The following TBC1D16 variants were observed in gnomAD, a reference collection of about 807,000 sequenced individuals.
TBC1D16 encodes CTD-2529O21.1.
TBC1D16 carries 58 observed loss-of-function variants against 74.7 expected under a neutral mutation model. The ratio of observed to expected loss-of-function variants is 0.78; its 90% CI spans 0.63 to 0.97. The LOEUF (loss-of-function observed/expected upper bound fraction) is 0.97, where lower values mean the gene tolerates loss of function less well. Among genes scored for constraint, TBC1D16 ranks in the 50% least tolerant of loss-of-function variants. TBC1D16 has a pLI of 0.00. For synonymous variants in TBC1D16, 493 were observed against 474.7 expected (o/e 1.04, Z -0.50); for missense variants, 1,014 against 1,079.5 (o/e 0.94, Z 0.85).
At position 79,987,070 on chromosome 17, in the gene TBC1D16, G is replaced by A. The variant is rs561873480; in HGVS notation, c.779+23090C>T. Among the ~76,000 whole-genome samples the A allele has an allele frequency of 8.1e-4, 123 of 152,332 alleles. No homozygotes were observed. Among genetic ancestry groups the A allele is most frequent in the African/African-American group, 2.8e-3 (118 of 41,572 alleles). ...CCAGAAGAGATCAGGGCCAGGATGG[G>A]TCACGGGCTGTGCCCAGTGTCGCTG... is the stretch of plus-strand genomic sequence containing the variant. On this transcript the variant is annotated intron_variant, in intron 3 of 11. Coordinates refer to ENST00000310924, the MANE Select transcript of TBC1D16 (RefSeq NM_019020.4). This position sits in a 1 kb window ranked among gnomAD's most constrained non-coding sequence, Gnocchi z 5.2.
rs1318223176 is a variant in TBC1D16 at position 79,985,322 on chromosome 17, G to A, written c.779+24838C>T. ...CTGGATCCTTCCCTTGATCCCATCA[G>A]CAAAGACCCTATTTCCAAATAAAGT... On this transcript the variant is annotated intron_variant, in intron 3 of 11. Coordinates refer to ENST00000310924, the MANE Select transcript of TBC1D16 (RefSeq NM_019020.4). This position sits in a 1 kb window ranked among gnomAD's most constrained non-coding sequence, Gnocchi z 4.9. Among the ~76,000 whole-genome samples the A allele has an allele frequency of 6.6e-6, 1 of 152,206 alleles. No individual in the cohort carries two copies. Among genetic ancestry groups the A allele is most frequent in the African/African-American group, 2.4e-5 (1 of 41,466 alleles).
chr17:79,969,497 G>C (rs190474687), intron 3 of TBC1D16, among the ~76,000 whole-genome samples: 1 of 152,196 alleles, frequency 6.6e-6, no homozygotes, highest in East Asian at 1.9e-4. Context: ...TTGGTGAGGA[G>C]GTCCTAGAGA....
In TBC1D16 at chr17:79,938,687, G is replaced by A. The variant is rs553743714; in HGVS notation, c.*2172C>T. ...CCAAATTCTCAGCCTACTGCCACCC[G>A]ACTGTGCAGAGCGGACAATAAAGTG... On this transcript the variant is annotated 3_prime_UTR_variant, in exon 12 of 12. Coordinates refer to ENST00000310924, the MANE Select transcript of TBC1D16 (RefSeq NM_019020.4). The A allele has an allele frequency of 4.1e-4, 62 of 152,422 alleles. 1 individual carries two copies. The South Asian group carries it at 0.011, about 27-fold the overall frequency. 9.4% of individuals were successfully genotyped at this position (152,422 alleles called of 1,614,324 possible).
rs933416174 is a variant in TBC1D16 at position 79,935,130 on chromosome 17, G to A, written c.*5729C>T. ...CAAATGCAGGACTGAGGCTTTTCCTGAAACCAGAGCCCCGGCAGCCAAGGC... is the reference window on the plus strand; with the variant it reads ...CAAATGCAGGACTGAGGCTTTTCCTAAAACCAGAGCCCCGGCAGCCAAGGC... On this transcript the variant is annotated 3_prime_UTR_variant, in exon 12 of 12. Transcript: ENST00000310924. 6.6e-6 allele frequency: 1 copy of A among 152,274 alleles called. No individual in the cohort carries two copies. The highest frequency in any genetic ancestry group is 2.4e-5 in the African/African-American group (1 of 41,466). The allele number at this position is 152,274 out of a possible 1,614,324, so 9.4% of individuals were successfully genotyped here.
At chr17:79,942,623 G>A (rs552563518) in intron 10 of TBC1D16, among the ~76,000 whole-genome samples, 24 of 152,278 alleles carry the variant, frequency 1.6e-4, no homozygotes, top group Non-Finnish European at 3.1e-4. Flanking sequence ...CGGTGTGTGC[G>A]GAAGTCTGGG....
At position 79,936,334 on chromosome 17, in the gene TBC1D16, C is replaced by T. The variant is rs1017598600; in HGVS notation, c.*4525G>A. 3 of 152,268 alleles carry T rather than the reference C, an allele frequency of 2.0e-5. No individual in the cohort carries two copies. The highest frequency in any genetic ancestry group is 4.8e-5 in the African/African-American group (2 of 41,454). 9.4% of individuals were successfully genotyped at this position (152,268 alleles called of 1,614,324 possible). On this transcript the variant is annotated 3_prime_UTR_variant, in exon 12 of 12. Transcript: ENST00000310924. Reference sequence around the variant, plus strand: ...CCAAGGGAGAGCTCTCCGTCCTGAGCTCGCTGCCCCTCACGATGCACACGG... The same window carrying T: ...CCAAGGGAGAGCTCTCCGTCCTGAGTTCGCTGCCCCTCACGATGCACACGG...
At chr17:80,004,403 C>T (rs1415290367) in intron 3 of TBC1D16, among the ~76,000 whole-genome samples, 1 of 152,238 alleles carries the variant, frequency 6.6e-6, no homozygotes, top group Non-Finnish European at 1.5e-5. Context: ...ACCACATCTT[C>T]TCCTATCTGG....
At position 80,035,339 on chromosome 17, in the gene TBC1D16, A is replaced by T. The variant is rs1301722858; in HGVS notation, c.-63+456T>A. On this transcript the variant is annotated intron_variant, in intron 1 of 11. Transcript: ENST00000310924. This position sits in a 1 kb window ranked among gnomAD's most constrained non-coding sequence, Gnocchi z 5.3. ...AACAGCCCAGACCACCAAGCCCGAC[A>T]GGCCGGGAAAGCTGAGCGCGCGCTG... Among the ~76,000 whole-genome samples the T allele has an allele frequency of 6.6e-6, 1 of 151,436 alleles. No homozygotes were observed. Among genetic ancestry groups the T allele is most frequent in the Non-Finnish European group, 1.5e-5 (1 of 67,908 alleles).
chr17:79,963,262 CCT>C (rs1209744479), intron 3 of TBC1D16, among the ~76,000 whole-genome samples: 1 of 151,970 alleles, frequency 6.6e-6, no homozygotes, highest in African/African-American at 2.4e-5. Context: ...CCCATTCCCC[CCT>C]CACACTCCAA....
rs1423261663 is a variant in TBC1D16 at position 79,935,224 on chromosome 17, C to G, written c.*5635G>C. 1 of 152,274 alleles carries G rather than the reference C, an allele frequency of 6.6e-6. No homozygotes were observed. The highest frequency in any genetic ancestry group is 1.5e-5 in the Non-Finnish European group (1 of 68,068). The allele number at this position is 152,274 out of a possible 1,614,324, so 9.4% of individuals were successfully genotyped here. On this transcript the variant is annotated 3_prime_UTR_variant, in exon 12 of 12. Coordinates refer to ENST00000310924, the MANE Select transcript of TBC1D16 (RefSeq NM_019020.4). Reference sequence around the variant, plus strand: ...GAGGCTCCCAGTTGCTCAGAGTTAACCGGCCCTTTCCCGAGTGAGACCCCG... The same window carrying G: ...GAGGCTCCCAGTTGCTCAGAGTTAAGCGGCCCTTTCCCGAGTGAGACCCCG...
intron 4 of TBC1D16, among the ~76,000 whole-genome samples, chr17:79,952,424 C>G (rs868420701): frequency 6.6e-6 from 1 of 152,224 alleles, no homozygotes; most frequent in Non-Finnish European, 1.5e-5. Context: ...GCTACCATCA[C>G]GCTGAAGGTA....
At chr17:80,012,970 A>G (rs1271892967) in intron 2 of TBC1D16, among the ~76,000 whole-genome samples, 1 of 152,174 alleles carries the variant, frequency 6.6e-6, no homozygotes, top group African/African-American at 2.4e-5. Flanking sequence ...TCTGAACACC[A>G]GCGTCCTTAC....
chr17:79,984,348 A>G (rs897826574), intron 3 of TBC1D16, among the ~76,000 whole-genome samples: 6 of 152,200 alleles, frequency 3.9e-5, no homozygotes, highest in African/African-American at 9.7e-5. Context: ...TGAATTTTAT[A>G]TACAGCCTGC....
chr17:80,021,258 CA>C (rs1160960772), intron 1 of TBC1D16, among the ~76,000 whole-genome samples: 1 of 146,788 alleles, frequency 6.8e-6, no homozygotes, highest in Non-Finnish European at 1.5e-5. Flanking sequence ...TCTCAAAAAA[CA>C]AAAACAAACA....
chr17:80,001,950 G>T lies in TBC1D16; in HGVS notation c.779+8210C>A, dbSNP rs2035503600. On this transcript the variant is annotated intron_variant, in intron 3 of 11. Transcript: ENST00000310924. The surrounding 1 kb of genome is among the most constrained non-coding windows in gnomAD (Gnocchi z 5.8). ...CTGCTGCGCCCCGGAACAAAGACGG[G>T]AAGGGCAAAGTGTGTCCTGATTCGT... 6.6e-6 allele frequency among the ~76,000 whole-genome samples: 1 copy of T among 152,182 alleles called. No homozygotes were observed. Among genetic ancestry groups the T allele is most frequent in the Non-Finnish European group, 1.5e-5 (1 of 68,032 alleles).
chr17:79,966,192 C>T (rs80254743), intron 3 of TBC1D16, among the ~76,000 whole-genome samples: 21,840 of 152,086 alleles, frequency 0.14, 1,975 homozygotes, highest in African/African-American at 0.25. Flanking sequence ...GGCCTTCTTC[C>T]CTCTGTATAT....
Position 79,950,966 on chromosome 17 carries a change from G to T in TBC1D16, c.1090-388C>A. ...CTGCGAGCAGGGAGCCAGCCTGTCA[G>T]ATTGCCTCCGCGAGCAGTCACGAAT... On this transcript the variant is annotated intron_variant, in intron 5 of 11. Coordinates refer to ENST00000310924, the MANE Select transcript of TBC1D16 (RefSeq NM_019020.4). The surrounding 1 kb of genome is among the most constrained non-coding windows in gnomAD (Gnocchi z 4.6). The T allele has an allele frequency of 1.0e-6, 1 of 973,982 alleles. No individual in the cohort carries two copies. The highest frequency in any genetic ancestry group is 1.5e-6 in the Non-Finnish European group (1 of 684,856). 60.3% of individuals were successfully genotyped at this position (973,982 alleles called of 1,614,324 possible).
At chr17:79,957,043 CA>C (rs1267914109) in intron 3 of TBC1D16, among the ~76,000 whole-genome samples, 6 of 152,146 alleles carry the variant, frequency 3.9e-5, no homozygotes, top group Non-Finnish European at 7.4e-5. Context: ...GGGGGCCCTC[CA>C]CCCGTGACTG....
Position 79,939,862 on chromosome 17 carries a change from C to G in TBC1D16, c.*997G>C, listed in dbSNP as rs2031839736. On this transcript the variant is annotated 3_prime_UTR_variant, in exon 12 of 12. Coordinates refer to ENST00000310924, the MANE Select transcript of TBC1D16 (RefSeq NM_019020.4). ...AGGTCCTGAAGGGAAGTGGAAGAGT[C>G]TAACTATTTCCAGGTGTCCTTGTCT... The G allele has an allele frequency of 6.6e-6, 1 of 152,188 alleles. No individual in the cohort carries two copies. Among genetic ancestry groups the G allele is most frequent in the African/African-American group, 2.4e-5 (1 of 41,424 alleles). The allele number at this position is 152,188 out of a possible 1,614,324, so 9.4% of individuals were successfully genotyped here. A position where few individuals can be genotyped will look rare whatever the true frequency, so the allele number is the denominator to read the frequency against.
Sources: gnomAD v4.1 joint callset for allele counts (sites outside exome capture counted in the v4.1 genomes callset) on GRCh38, gnomAD v4.1.1 for gene constraint, Gnocchi (gnomAD v3.1) non-coding constraint, MANE v1.5 for transcripts, NCBI Gene and HGNC (gene_info 2026-07-23, HGNC 2026-07-21) for gene names.